RNF182: variants seen among roughly 807,000 people sequenced by gnomAD.
RNF182 encodes ring finger protein 182, also known as E3 ubiquitin-protein ligase RNF182.
Under a neutral mutation model 14.4 loss-of-function variants are expected in RNF182, and 15 were observed. That is an observed-to-expected ratio of 1.04 (90% CI 0.70 to 1.60). The LOEUF is 1.60. RNF182 is among the 40% of genes most tolerant of loss of function. RNF182 has a pLI of 0.00. For synonymous variants in RNF182, 128 were observed against 122.9 expected, an observed-to-expected ratio of 1.04 and a Z score of -0.27; for missense variants, 268 against 294.8, an observed-to-expected ratio of 0.91 and a Z score of 0.67.
At chr6:13,927,362 A>G (rs1457690731) in intron 1 of RNF182, among the ~76,000 whole-genome samples, 1 of 152,236 alleles carries the variant, frequency 6.6e-6, no homozygotes, top group Non-Finnish European at 1.5e-5. Context: ...GGAAGCAGGC[A>G]ACAGCATTGC....
chr6:13,953,841 G>A (rs1031509073), intron 1 of RNF182, among the ~76,000 whole-genome samples: 3 of 152,110 alleles, frequency 2.0e-5, no homozygotes, highest in Admixed American at 6.6e-5. Flanking sequence ...TTTCTTGAAG[G>A]TGAGGCCATC....
intron 1 of RNF182, 30 bp downstream of exon 1, chr6:13,925,053 G>A (rs1003847063): frequency 6.8e-6 from 1 of 147,672 alleles, no homozygotes; most frequent in Non-Finnish European, 1.5e-5. Flanking sequence ...GGCCGGGGAG[G>A]GGTCGGCGGG....
intron 1 of RNF182, among the ~76,000 whole-genome samples, chr6:13,931,561 A>G (rs1400341718): frequency 1.3e-5 from 2 of 152,074 alleles, no homozygotes; most frequent in East Asian, 3.9e-4. Flanking sequence ...CTGGGGGGGA[A>G]AAAGGAATGA....
At chr6:13,939,343 A>G (rs1759226252) in intron 1 of RNF182, among the ~76,000 whole-genome samples, 3 of 152,150 alleles carry the variant, frequency 2.0e-5, no homozygotes, top group African/African-American at 4.8e-5. Flanking sequence ...TGAACACAAT[A>G]TAGCTCTCCA....
At chr6:13,950,292 G>A (rs892371926) in intron 1 of RNF182, among the ~76,000 whole-genome samples, 8 of 152,068 alleles carry the variant, frequency 5.3e-5, no homozygotes, top group East Asian at 1.9e-4. Flanking sequence ...CAGGGGACCA[G>A]GCTAATTCCA....
intron 1 of RNF182, among the ~76,000 whole-genome samples, chr6:13,943,830 T>G (rs1484142879): frequency 6.6e-6 from 1 of 152,176 alleles, no homozygotes; most frequent in Non-Finnish European, 1.5e-5. Context: ...AGGAGCCCTT[T>G]TAAATGCTGG....
At chr6:13,972,168 G>C (rs1760203498) in intron 1 of RNF182, among the ~76,000 whole-genome samples, 1 of 151,982 alleles carries the variant, frequency 6.6e-6, no homozygotes, top group Non-Finnish European at 1.5e-5. Flanking sequence ...AGCTGGGCAT[G>C]GTGGAACGCG....
intron 1 of RNF182, among the ~76,000 whole-genome samples, chr6:13,945,086 A>T (rs1003569298): frequency 7.9e-5 from 12 of 152,026 alleles, no homozygotes; most frequent in Non-Finnish European, 1.5e-4. Context: ...TCCTGCTAAC[A>T]CCCCAATACA....
At chr6:13,967,821 G>C (rs922776844) in intron 1 of RNF182, among the ~76,000 whole-genome samples, 1 of 151,958 alleles carries the variant, frequency 6.6e-6, no homozygotes, top group Non-Finnish European at 1.5e-5. Flanking sequence ...TCTACCCTCA[G>C]CCTCCTGGAA....
rs1381055147 is a variant in RNF182 at position 13,975,006 on chromosome 6, G to A, written c.-212+642G>A. On this transcript the variant is annotated intron_variant, in intron 2 of 2. Coordinates refer to ENST00000488300, the MANE Select transcript of RNF182 (RefSeq NM_152737.4). ...TGTAGCTGCAAAGAACAAATGACAT[G>A]TTCCATTTGGGTGGGCTGAAGTCTG... Among the ~76,000 whole-genome samples, 2 of 152,188 alleles carry A rather than the reference G, an allele frequency of 1.3e-5. 1 individual carries two copies. The highest frequency in any genetic ancestry group is 4.1e-4 in the South Asian group (2 of 4,830).
chr6:13,966,871 C>T (rs1002392779), intron 1 of RNF182, among the ~76,000 whole-genome samples: 2 of 149,922 alleles, frequency 1.3e-5, no homozygotes, highest in Admixed American at 6.8e-5. Flanking sequence ...CATGCTCTCT[C>T]TGTTGCCCAG....
intron 1 of RNF182, among the ~76,000 whole-genome samples, chr6:13,969,971 T>G (rs9476188): frequency 0.025 from 3,788 of 152,290 alleles, 167 homozygotes; most frequent in African/African-American, 0.087. Context: ...CTTGTTCTTA[T>G]CAAGGCATGC....
intron 1 of RNF182, among the ~76,000 whole-genome samples, chr6:13,930,977 G>T (rs754690493): frequency 2.0e-5 from 3 of 152,214 alleles, no homozygotes; most frequent in Non-Finnish European, 4.4e-5. Context: ...CTGCAGTGAA[G>T]ATGCTTTTGG....
intron 1 of RNF182, among the ~76,000 whole-genome samples, chr6:13,963,118 G>A (rs1426156397): frequency 6.6e-6 from 1 of 152,094 alleles, no homozygotes; most frequent in African/African-American, 2.4e-5. Context: ...CTTATGCAGT[G>A]TTTCTAAAAT....
rs1227991613 is a variant in RNF182, at chr6:13,960,689, G to A, written c.-366-13521G>A. ...TGTGTGTGTGTGTGTGTGTGTGTGT[G>A]TGTGCGCGCGTGCACATGCATGTGA... On this transcript the variant is annotated intron_variant, in intron 1 of 2. Transcript: ENST00000488300. Among the ~76,000 whole-genome samples the A allele has an allele frequency of 9.1e-5, 8 of 88,308 alleles. No individual in the cohort carries two copies. In the South Asian group the frequency reaches 2.2e-3, roughly 24 times the overall value. 57.9% of individuals were successfully genotyped at this position (88,308 alleles called of 152,430 possible).
chr6:13,975,288 T>A (rs1307958902), intron 2 of RNF182, among the ~76,000 whole-genome samples: 1 of 152,128 alleles, frequency 6.6e-6, no homozygotes, highest in East Asian at 1.9e-4. Flanking sequence ...TATTTTGCAG[T>A]GACATGGGCA....
intron 1 of RNF182, among the ~76,000 whole-genome samples, chr6:13,945,800 A>G (rs1759424432): frequency 1.3e-5 from 2 of 152,172 alleles, no homozygotes; most frequent in African/African-American, 2.4e-5. Flanking sequence ...CATTCTGATT[A>G]CACCAGTGGA....
At chr6:13,940,420 A>G (rs180881060) in intron 1 of RNF182, among the ~76,000 whole-genome samples, 232 of 152,264 alleles carry the variant, frequency 1.5e-3, no homozygotes, top group African/African-American at 5.3e-3. Context: ...GAATTTGTCT[A>G]TGTTTAGGAG....
Position 13,952,363 on chromosome 6 carries a change from C to T in RNF182, c.-366-21847C>T, listed in dbSNP as rs138293257. The stretch of plus-strand genomic sequence containing the variant: ...TAATCCTGTCACCCACAGCTGTCAG[C>T]AAAGAGTTCAAGGCAGATTAATCCA... On this transcript the variant is annotated intron_variant, in intron 1 of 2. Coordinates refer to ENST00000488300, the MANE Select transcript of RNF182 (RefSeq NM_152737.4). 2.4e-3 allele frequency among the ~76,000 whole-genome samples: 366 copies of T among 152,264 alleles called. 2 individuals carry two copies. The highest frequency in any genetic ancestry group is 8.2e-3 in the African/African-American group (341 of 41,558).
Sources: gnomAD v4.1 joint callset for allele counts (sites outside exome capture counted in the v4.1 genomes callset) on GRCh38, gnomAD v4.1.1 for gene constraint, MANE v1.5 for transcripts, NCBI Gene and HGNC (gene_info 2026-07-23, HGNC 2026-07-21) for gene names.